DAGLA: variants seen among roughly 807,000 people sequenced by gnomAD.
The protein encoded by DAGLA is diacylglycerol lipase alpha.
DAGLA carries 22 observed loss-of-function variants against 102.6 expected under a neutral mutation model. The ratio of observed to expected loss-of-function variants is 0.21; its 90% confidence interval spans 0.15 to 0.31. The LOEUF (loss-of-function observed/expected upper bound fraction) is 0.31, where lower values mean the gene tolerates loss of function less well. DAGLA is among the 10% of genes least tolerant of loss of function. The pLI is 1.00. For missense variants in DAGLA, 927 were observed against 1,446.6 expected (o/e 0.64, Z 5.83); for synonymous variants, 578 against 628.9 (o/e 0.92, Z 1.21).
rs1252906387 is a variant in DAGLA at position 61,686,301 on chromosome 11, C to T, written c.-45+5797C>T. ...TGTGTTGCCCACACTTGACTTTCAGCGGGTCTGACTCCCGTCAGTGCTGGG... is the reference window on the plus strand; with the variant it reads ...TGTGTTGCCCACACTTGACTTTCAGTGGGTCTGACTCCCGTCAGTGCTGGG... On this transcript the variant is annotated intron_variant, in intron 1 of 19. Coordinates refer to ENST00000257215, the MANE Select transcript of DAGLA (RefSeq NM_006133.3). This position sits in a 1 kb window ranked among gnomAD's most constrained non-coding sequence, Gnocchi z 5.2. Among the ~76,000 whole-genome samples, 10 of 152,092 alleles carry T rather than the reference C, an allele frequency of 6.6e-5. No homozygotes were observed. The highest frequency in any genetic ancestry group is 4.1e-4 in the South Asian group (2 of 4,834).
At chr11:61,721,271 G>T (rs1194358354) in intron 3 of DAGLA, among the ~76,000 whole-genome samples, 1 of 152,182 alleles carries the variant, frequency 6.6e-6, no homozygotes, top group Admixed American at 6.5e-5. Flanking sequence ...GCACACGCCT[G>T]TAATCCCAGC....
chr11:61,701,212 CCTCCAT>C, intron 1 of DAGLA, among the ~76,000 whole-genome samples: 1 of 152,222 alleles, frequency 6.6e-6, no homozygotes, highest in East Asian at 1.9e-4. Context: ...ATTAATCCCA[CCTCCAT>C]CCCTTGGGCC....
rs543914436 is a variant in DAGLA at position 61,700,286 on chromosome 11, C to T, written c.-45+19782C>T. 8.2e-4 allele frequency among the ~76,000 whole-genome samples: 125 copies of T among 152,304 alleles called. 1 individual carries two copies. The highest frequency in any genetic ancestry group is 7.5e-3 in the East Asian group (39 of 5,188). ...CTGGGAGTATTTATGGACACGTCTG[C>T]GCCTTCCTTTTCTGCAGCAGCCTGT... On this transcript the variant is annotated intron_variant, in intron 1 of 19. Transcript: ENST00000257215.
chr11:61,738,924 G>T (rs1404294380), intron 16 of DAGLA, among the ~76,000 whole-genome samples: 5 of 152,192 alleles, frequency 3.3e-5, no homozygotes, highest in African/African-American at 1.2e-4. Context: ...CCCTGTGGCA[G>T]GCAGGGCCCT....
In DAGLA at chr11:61,741,157, C is replaced by A. The variant is rs776144929; in HGVS notation, c.1984-5C>A. 1.3e-5 allele frequency: 21 copies of A among 1,610,678 alleles called. No individual in the cohort carries two copies. In the South Asian group the frequency reaches 1.8e-4, roughly 13 times the overall value. ...CACCCCCAGCCTCCTCTGTCCTGTC[C>A]TCAGGTGCTGGAGAACTACAACAAG... On this transcript the variant is annotated splice_region_variant and splice_polypyrimidine_tract_variant and intron_variant, in intron 18 of 19. Coordinates refer to ENST00000257215, the MANE Select transcript of DAGLA (RefSeq NM_006133.3).
In DAGLA at chr11:61,743,156, A is replaced by G. The variant is rs2065495860; in HGVS notation, c.2172-376A>G. Among the ~76,000 whole-genome samples the G allele has an allele frequency of 2.0e-5, 3 of 152,142 alleles. No homozygotes were observed. The South Asian group carries it at 6.2e-4, about 31-fold the overall frequency. ...GAGGCAGGCGGATCACCAGGTCAGC[A>G]GATTGAGACCATCCTGGCTAACATG... On this transcript the variant is annotated intron_variant, in intron 19 of 19. Transcript: ENST00000257215.
chr11:61,735,857 C>G, intron 12 of DAGLA, 41 bp downstream of exon 12: 1 of 1,548,316 alleles, frequency 6.5e-7, no homozygotes, highest in Middle Eastern at 1.7e-4. Context: ...GGGCTTCTTT[C>G]CTGCCCTGCC....
chr11:61,737,643 C>A, intron 14 of DAGLA, 44 bp from the exon 15 acceptor site: 1 of 1,572,274 alleles, frequency 6.4e-7, no homozygotes, highest in Non-Finnish European at 8.8e-7. Flanking sequence ...AACACCACCA[C>A]CCCGCCCCCT....
At chr11:61,742,884 G>T (rs1364675116) in intron 19 of DAGLA, among the ~76,000 whole-genome samples, 3 of 151,630 alleles carry the variant, frequency 2.0e-5, no homozygotes, top group Non-Finnish European at 4.4e-5. Context: ...ATCTGGGGCA[G>T]CCAGTCTATC....
intron 1 of DAGLA, among the ~76,000 whole-genome samples, chr11:61,707,711 C>G (rs2065161018): frequency 6.6e-6 from 1 of 152,190 alleles, no homozygotes; most frequent in Non-Finnish European, 1.5e-5. Flanking sequence ...GGGCGGAGTG[C>G]CCAAAGCAAG....
chr11:61,739,403 C>A, intron 16 of DAGLA, 62 bp from the exon 17 acceptor site: 1 of 1,539,300 alleles, frequency 6.5e-7, no homozygotes, highest in Non-Finnish European at 8.8e-7. Context: ...GTCCCCCTGC[C>A]CCTGCCCCCC....
chr11:61,729,072 TA>T, intron 8 of DAGLA, 64 bp downstream of exon 8: 2 of 1,384,978 alleles, frequency 1.4e-6, no homozygotes, highest in Non-Finnish European at 2.0e-6. Flanking sequence ...CACAATGACC[TA>T]AGCAAACTCC....
In DAGLA at chr11:61,710,727, G is replaced by A. The variant is rs148643438; in HGVS notation, c.-44-9385G>A. Reference sequence around the variant, plus strand: ...CTGTTTGGGAAGATTGACTTAGATCGCGGAGAGTTATTGCCCCTGCCATGC... The same window carrying A: ...CTGTTTGGGAAGATTGACTTAGATCACGGAGAGTTATTGCCCCTGCCATGC... On this transcript the variant is annotated intron_variant, in intron 1 of 19. Coordinates refer to ENST00000257215, the MANE Select transcript of DAGLA (RefSeq NM_006133.3). Among the ~76,000 whole-genome samples, 7 of 152,262 alleles carry A rather than the reference G, an allele frequency of 4.6e-5. No individual in the cohort carries two copies. The East Asian group carries it at 7.7e-4, about 17-fold the overall frequency.
At chr11:61,696,256 C>G (rs1032044382) in intron 1 of DAGLA, among the ~76,000 whole-genome samples, 2 of 152,186 alleles carry the variant, frequency 1.3e-5, no homozygotes, top group African/African-American at 4.8e-5. Flanking sequence ...GTGCCTCAGC[C>G]TAGGCATGAG....
chr11:61,715,559 A>G (rs189887365), intron 1 of DAGLA, among the ~76,000 whole-genome samples: 1 of 152,296 alleles, frequency 6.6e-6, no homozygotes, highest in Admixed American at 6.5e-5. Context: ...GGCCAAGCCC[A>G]CAGGGTACCT....
intron 3 of DAGLA, 50 bp downstream of exon 3, chr11:61,720,940 C>A: frequency 1.3e-6 from 2 of 1,550,426 alleles, no homozygotes; most frequent in Non-Finnish European, 1.8e-6. Context: ...CCCACCTCTC[C>A]ATTCACTCAG....
intron 1 of DAGLA, among the ~76,000 whole-genome samples, chr11:61,719,166 C>T (rs952370862): frequency 2.2e-4 from 34 of 152,176 alleles, no homozygotes; most frequent in Non-Finnish European, 4.6e-4. Context: ...CTTCCTTTCT[C>T]TTTGGGATGC....
chr11:61,714,069 C>A (rs1050768087), intron 1 of DAGLA, among the ~76,000 whole-genome samples: 7 of 152,194 alleles, frequency 4.6e-5, no homozygotes, highest in African/African-American at 1.7e-4. Context: ...TCCACATTTA[C>A]TTTGGCAACC....
intron 1 of DAGLA, among the ~76,000 whole-genome samples, chr11:61,681,279 AC>A (rs1267108323): frequency 6.6e-6 from 1 of 152,124 alleles, no homozygotes; most frequent in Non-Finnish European, 1.5e-5. Context: ...ATGGGCATAA[AC>A]AAGAGATGCC....
Sources: gnomAD v4.1 joint callset for allele counts (sites outside exome capture counted in the v4.1 genomes callset) on GRCh38, gnomAD v4.1.1 for gene constraint, Gnocchi (gnomAD v3.1) non-coding constraint, MANE v1.5 for transcripts, NCBI Gene and HGNC (gene_info 2026-07-23, HGNC 2026-07-21) for gene names.